UGT1A9: variants seen among roughly 807,000 people sequenced by gnomAD.
The protein encoded by UGT1A9 is UDP glucuronosyltransferase family 1 member A9, also known as UDP-glucuronosyltransferase 1A9.
In UGT1A9, 35 loss-of-function variants were observed where a neutral mutation model predicts 45.0. The observed-to-expected ratio is 0.78, with a 90% CI of 0.59 to 1.03. The LOEUF is 1.03. Ranked by LOEUF, UGT1A9 falls within the 50% of genes least tolerant of loss-of-function variation. The probability of loss-of-function intolerance (pLI) is 0.00; values close to 1 mark genes in which losing one functional copy is unlikely to be tolerated. For missense variants in UGT1A9, 687 were observed against 666.6 expected (o/e 1.03, Z -0.34); for synonymous variants, 278 against 250.6 (o/e 1.11, Z -1.03).
intron 1 of UGT1A9, chr2:233,718,932 G>A (rs781665803): frequency 3.7e-6 from 6 of 1,614,132 alleles, no homozygotes; most frequent in Non-Finnish European, 4.2e-6. Context: ...GCCCACTGAT[G>A]GCAGCCCCTG....
chr2:233,728,311 T>G (rs1219809446), intron 1 of UGT1A9, among the ~76,000 whole-genome samples: 2 of 152,208 alleles, frequency 1.3e-5, no homozygotes, highest in Non-Finnish European at 1.5e-5. Flanking sequence ...GTGCAAGATC[T>G]GAGGCCAGGC....
chr2:233,757,560 A>ATATATATATATATATATATATATATG (rs904896556), intron 1 of UGT1A9, among the ~76,000 whole-genome samples: 17 of 123,144 alleles, frequency 1.4e-4, no homozygotes, highest in African/African-American at 3.1e-4. Flanking sequence ...ATATATATAT[A>ATATATATATATATATATATATATATG]TGTATATATG....
In UGT1A9 at chr2:233,695,130, C is replaced by CTTTCTTTTTTT. The variant is rs1364557158; in HGVS notation, c.855+22344_855+22345insCTTTTTTTTTT. Among the ~76,000 whole-genome samples, 82 of 138,816 alleles carry CTTTCTTTTTTT rather than the reference C, an allele frequency of 5.9e-4. 2 individuals carry two copies. Among genetic ancestry groups the CTTTCTTTTTTT allele is most frequent in the South Asian group, 1.4e-3 (6 of 4,416 alleles). The allele number at this position is 138,816 out of a possible 152,430, so 91.1% of individuals were successfully genotyped here. On this transcript the variant is annotated intron_variant, in intron 1 of 4. Transcript: ENST00000354728. ...GCCCATTAACCAACCCTTTTCTTTT[C>CTTTCTTTTTTT]TTTTTTTTTTTTTTGAGACAGAGTC...
chr2:233,673,311 T>A (rs1248168526), intron 1 of UGT1A9, among the ~76,000 whole-genome samples: 1 of 152,190 alleles, frequency 6.6e-6, no homozygotes, highest in Non-Finnish European at 1.5e-5. Flanking sequence ...ACAGACAGAT[T>A]TGACAAGTTC....
At chr2:233,730,068 G>C in intron 1 of UGT1A9, 1 of 1,610,044 alleles carries the variant, frequency 6.2e-7, no homozygotes, top group Non-Finnish European at 8.5e-7. Flanking sequence ...ATTTAAAATT[G>C]CTTCCATATT....
At chr2:233,707,992 C>T (rs1304357209) in intron 1 of UGT1A9, among the ~76,000 whole-genome samples, 2 of 152,156 alleles carry the variant, frequency 1.3e-5, no homozygotes, top group Non-Finnish European at 2.9e-5. Flanking sequence ...GTTGTCTACT[C>T]GAATTATGTA....
intron 1 of UGT1A9, among the ~76,000 whole-genome samples, chr2:233,750,198 C>T (rs914711353): frequency 6.6e-6 from 1 of 151,796 alleles, no homozygotes; most frequent in African/African-American, 2.4e-5. Context: ...ACAATGAAGT[C>T]CAGGCTGAGT....
chr2:233,689,956 A>G (rs1320198973), intron 1 of UGT1A9: 3 of 456,290 alleles, frequency 6.6e-6, no homozygotes, highest in African/African-American at 4.0e-5. Context: ...CTTTATTTCC[A>G]TGCTTGGAGG....
intron 1 of UGT1A9, among the ~76,000 whole-genome samples, chr2:233,680,834 A>G (rs28969710): frequency 6.6e-6 from 1 of 152,128 alleles, no homozygotes; most frequent in Non-Finnish European, 1.5e-5. Context: ...GCAGAAGCAG[A>G]GTGGGCAGAG....
intron 1 of UGT1A9, among the ~76,000 whole-genome samples, chr2:233,685,060 G>A (rs13002774): frequency 0.39 from 59,158 of 151,910 alleles, 11,718 homozygotes; most frequent in South Asian, 0.45. Context: ...CTTAAGCTCT[G>A]CACAGGAGAT....
chr2:233,687,016 G>A (rs1005140519), intron 1 of UGT1A9, among the ~76,000 whole-genome samples: 1 of 152,156 alleles, frequency 6.6e-6, no homozygotes, highest in Non-Finnish European at 1.5e-5. Flanking sequence ...AGGACTTTAG[G>A]AGGTGGTTCA....
chr2:233,718,950 A>C, intron 1 of UGT1A9: 2 of 1,614,178 alleles, frequency 1.2e-6, no homozygotes, highest in South Asian at 2.2e-5. Flanking sequence ...CTGGCTCAGC[A>C]TGCGGGAGGC....
chr2:233,755,827 T>C (rs1696034290), intron 1 of UGT1A9: 1 of 152,236 alleles, frequency 6.6e-6, no homozygotes, highest in Admixed American at 6.5e-5. Flanking sequence ...AAAAGACATA[T>C]TCATTGGGCA....
intron 1 of UGT1A9, among the ~76,000 whole-genome samples, chr2:233,687,844 G>C (rs925197846): frequency 2.0e-5 from 3 of 152,152 alleles, no homozygotes; most frequent in Admixed American, 6.5e-5. Context: ...GGAGGTTAAG[G>C]CTGCAGTAAG....
intron 1 of UGT1A9, among the ~76,000 whole-genome samples, chr2:233,688,858 G>C (rs552889228): frequency 2.0e-5 from 3 of 152,134 alleles, no homozygotes; most frequent in Non-Finnish European, 4.4e-5. Flanking sequence ...CTGATCATAG[G>C]GGGCCTTGCA....
At chr2:233,721,847 C>T in intron 1 of UGT1A9, 2 of 514,910 alleles carry the variant, frequency 3.9e-6, no homozygotes, top group South Asian at 2.8e-5. Context: ...TGTGTCCAGC[C>T]CCACTGCTCG....
rs1209709539 is a variant in UGT1A9 at position 233,671,983 on chromosome 2, C to T, written c.49C>T (p.Leu17=). 1 of 1,613,950 alleles carries T rather than the reference C, an allele frequency of 6.2e-7. No homozygotes were observed. Among genetic ancestry groups the T allele is most frequent in the Non-Finnish European group, 8.5e-7 (1 of 1,179,968 alleles). The stretch of plus-strand genomic sequence containing the variant: ...CCCCCTTCCTCTATGTGTGTGTCTG[C>T]TGCTGACCTGTGGCTTTGCCGAGGC... ...TSPLPLCVCL[L]LTCGFAEAGK... is the part of the protein sequence containing the mutation. Residue 17 remains leucine (L), a synonymous_variant, in exon 1 of 5, where the codon CTG becomes TTG. Coordinates refer to ENST00000354728, the MANE Select transcript of UGT1A9 (RefSeq NM_021027.3).
chr2:233,765,641 G>GGTCA (rs1313587077), intron 1 of UGT1A9, among the ~76,000 whole-genome samples: 3 of 151,492 alleles, frequency 2.0e-5, no homozygotes, highest in Non-Finnish European at 2.9e-5. Flanking sequence ...TTAGAGGATA[G>GGTCA]GTCAATAGGT....
At position 233,760,976 on chromosome 2, in the gene UGT1A9, A is replaced by G. The variant is rs754922685; in HGVS notation, c.856-6058A>G. 3 of 1,614,218 alleles carry G rather than the reference A, an allele frequency of 1.9e-6. No individual in the cohort carries two copies. The South Asian group carries it at 3.3e-5, about 18-fold the overall frequency. On this transcript the variant is annotated intron_variant, in intron 1 of 4. Transcript: ENST00000354728. The stretch of plus-strand genomic sequence containing the variant: ...CTGTGCGACGTGGTTTATTCCCCGT[A>G]TGCAACCCTTGCCTCAGAATTCCTT...
Sources: gnomAD v4.1 joint callset for allele counts (sites outside exome capture counted in the v4.1 genomes callset) on GRCh38, gnomAD v4.1.1 for gene constraint, MANE v1.5 for transcripts, NCBI Gene and HGNC (gene_info 2026-07-23, HGNC 2026-07-21) for gene names.